Variants in OLFM3 observed in about 807,000 individuals in gnomAD.
OLFM3 encodes the protein olfactomedin 3.
In OLFM3, 20 loss-of-function variants were observed where a neutral mutation model predicts 48.6. That is an observed-to-expected ratio of 0.41 (90% CI 0.29 to 0.60). OLFM3 has a LOEUF of 0.60. Among genes scored for constraint, OLFM3 ranks in the 20% least tolerant of loss-of-function variants. The probability of loss-of-function intolerance (pLI) is 0.28; values close to 1 mark genes in which losing one functional copy is unlikely to be tolerated. For synonymous variants in OLFM3, 222 were observed against 198.1 expected (o/e 1.12, Z -1.01); for missense variants, 437 against 544.3 (o/e 0.80, Z 1.96).
chr1:101,913,333 G>T (rs554756537), intron 1 of OLFM3, among the ~76,000 whole-genome samples: 1 of 152,122 alleles, frequency 6.6e-6, no homozygotes, highest in African/African-American at 2.4e-5. Flanking sequence ...GGACTTGAAC[G>T]CCCTCAACAG....
chr1:101,891,970 T>C (rs1024956505), intron 1 of OLFM3, among the ~76,000 whole-genome samples: 6 of 152,010 alleles, frequency 3.9e-5, no homozygotes, highest in African/African-American at 2.4e-5. Flanking sequence ...AATTCGTCTT[T>C]AGGTACACTA....
intron 4 of OLFM3, chr1:101,813,104 TTC>T (rs1319853833): frequency 1.5e-6 from 2 of 1,290,616 alleles, no homozygotes; most frequent in Non-Finnish European, 2.0e-6. Flanking sequence ...TGCTTCTCCT[TTC>T]TGTTGCCTTT....
intron 1 of OLFM3, among the ~76,000 whole-genome samples, chr1:101,838,660 TAGTAG>T (rs1265740328): frequency 2.0e-5 from 3 of 152,040 alleles, no homozygotes; most frequent in Non-Finnish European, 2.9e-5. Flanking sequence ...GAAGCTATTT[TAGTAG>T]AGTTGGATCT....
chr1:101,905,315 G>A (rs1175570994), intron 1 of OLFM3, among the ~76,000 whole-genome samples: 2 of 152,232 alleles, frequency 1.3e-5, no homozygotes, highest in Middle Eastern at 3.4e-3. Flanking sequence ...TTGACTCAAT[G>A]AAACTTCCTG....
intron 1 of OLFM3, among the ~76,000 whole-genome samples, chr1:101,865,153 G>A (rs1449392300): frequency 6.6e-6 from 1 of 151,814 alleles, no homozygotes; most frequent in Non-Finnish European, 1.5e-5. Context: ...CTTTCTGAGT[G>A]GTTTCTTGCT....
chr1:101,889,363 G>A (rs4515810), intron 1 of OLFM3, among the ~76,000 whole-genome samples: 29,083 of 152,136 alleles, frequency 0.19, 2,978 homozygotes, highest in Middle Eastern at 0.24. Context: ...GGACATGAAT[G>A]AAGCTGGAAG....
intron 1 of OLFM3, among the ~76,000 whole-genome samples, chr1:101,994,097 C>G (rs1226459534): frequency 1.3e-5 from 2 of 151,550 alleles, no homozygotes; most frequent in African/African-American, 4.8e-5. Flanking sequence ...ATGTAGATTT[C>G]CAGTATTTGA....
At chr1:101,954,773 G>T (rs1355968429) in intron 1 of OLFM3, among the ~76,000 whole-genome samples, 1 of 152,042 alleles carries the variant, frequency 6.6e-6, no homozygotes, top group Non-Finnish European at 1.5e-5. Context: ...ATTGGGGTTA[G>T]TCAAAATTTA....
chr1:101,824,684 A>ACAACAAC (rs748141623), intron 4 of OLFM3, among the ~76,000 whole-genome samples: 3 of 147,924 alleles, frequency 2.0e-5, no homozygotes, highest in Non-Finnish European at 3.0e-5. Flanking sequence ...AACAACAACA[A>ACAACAAC]AAAACAGTTT....
chr1:101,991,138 A>G (rs1025044582), intron 1 of OLFM3, among the ~76,000 whole-genome samples: 1 of 132,150 alleles, frequency 7.6e-6, no homozygotes, highest in African/African-American at 2.8e-5. Context: ...TTTCAACATC[A>G]TATTGTAGAT....
chr1:101,851,976 T>C (rs1656237467), intron 1 of OLFM3, among the ~76,000 whole-genome samples: 1 of 152,128 alleles, frequency 6.6e-6, no homozygotes, highest in African/African-American at 2.4e-5. Context: ...ATGATGCTGA[T>C]GCTGCAATTC....
At position 101,952,388 on chromosome 1, in the gene OLFM3, C is replaced by A. The variant is rs562861429; in HGVS notation, c.69+44360G>T. On this transcript the variant is annotated intron_variant, in intron 1 of 5. Coordinates refer to ENST00000370103, the MANE Select transcript of OLFM3 (RefSeq NM_058170.4). ...AGTGTTAGTTACCTAGTACTGAATA[C>A]AATTTTATTTTAAAGCTCAATTATC... Among the ~76,000 whole-genome samples, 15 of 152,036 alleles carry A rather than the reference C, an allele frequency of 9.9e-5. No individual in the cohort carries two copies. The South Asian group carries it at 3.1e-3, about 32-fold the overall frequency.
At chr1:101,871,228 T>G (rs576062286) in intron 1 of OLFM3, among the ~76,000 whole-genome samples, 27 of 152,238 alleles carry the variant, frequency 1.8e-4, no homozygotes, top group African/African-American at 6.3e-4. Flanking sequence ...GAATATGTTT[T>G]AAGACCATTT....
intron 1 of OLFM3, among the ~76,000 whole-genome samples, chr1:101,933,127 G>A (rs1161626540): frequency 4.5e-4 from 65 of 145,994 alleles, no homozygotes; most frequent in African/African-American, 1.3e-3. Context: ...GCATGAACCC[G>A]GGAGGCGGAG....
chr1:101,923,920 A>G (rs776920114), intron 1 of OLFM3, among the ~76,000 whole-genome samples: 1 of 152,158 alleles, frequency 6.6e-6, no homozygotes, highest in African/African-American at 2.4e-5. Context: ...TAACTGTGAT[A>G]ACAGAAACTT....
At chr1:101,893,406 G>A (rs1278362500) in intron 1 of OLFM3, 2 of 364,178 alleles carry the variant, frequency 5.5e-6, no homozygotes, top group Non-Finnish European at 1.1e-5. Context: ...CAAGATAGAT[G>A]TAAAAGCTGC....
At chr1:101,971,293 C>T (rs947858844) in intron 1 of OLFM3, among the ~76,000 whole-genome samples, 8 of 152,072 alleles carry the variant, frequency 5.3e-5, no homozygotes, top group Non-Finnish European at 1.5e-5. Flanking sequence ...TTGGTGATTG[C>T]TTGAATGTGG....
chr1:101,838,491 C>T (rs1164337381), intron 1 of OLFM3, among the ~76,000 whole-genome samples: 1 of 152,132 alleles, frequency 6.6e-6, no homozygotes, highest in African/African-American at 2.4e-5. Flanking sequence ...ATAATGTACA[C>T]CAAATTTATT....
At chr1:101,924,472 C>T (rs1214336594) in intron 1 of OLFM3, among the ~76,000 whole-genome samples, 2 of 152,108 alleles carry the variant, frequency 1.3e-5, no homozygotes, top group Non-Finnish European at 2.9e-5. Context: ...TGTGTTCAAC[C>T]TATCACTACT....
Sources: gnomAD v4.1 joint callset for allele counts (sites outside exome capture counted in the v4.1 genomes callset) on GRCh38, gnomAD v4.1.1 for gene constraint, MANE v1.5 for transcripts, NCBI Gene and HGNC (gene_info 2026-07-23, HGNC 2026-07-21) for gene names.